Variants in DPP10 observed in about 807,000 individuals in gnomAD.
The protein encoded by DPP10 is inactive dipeptidyl peptidase 10.
In DPP10, 33 loss-of-function variants were observed where a neutral mutation model predicts 120.9. The ratio of observed to expected loss-of-function variants is 0.27; its 90% confidence interval spans 0.21 to 0.37. DPP10 has a LOEUF of 0.37. Ranked by LOEUF, DPP10 falls within the 10% of genes least tolerant of loss-of-function variation. DPP10 has a pLI of 1.00. For synonymous variants in DPP10, 337 were observed against 326.1 expected, an observed-to-expected ratio of 1.03 and a Z score of -0.36; for missense variants, 816 against 942.8, an observed-to-expected ratio of 0.87 and a Z score of 1.76.
chr2:114,877,512 T>A (rs1362985377), intron 1 of DPP10, among the ~76,000 whole-genome samples: 5 of 152,092 alleles, frequency 3.3e-5, no homozygotes, highest in African/African-American at 9.7e-5. Flanking sequence ...GAACTCACTG[T>A]GAGCCTTGTA....
intron 1 of DPP10, among the ~76,000 whole-genome samples, chr2:115,145,953 A>T (rs1037673921): frequency 1.3e-5 from 2 of 152,158 alleles, no homozygotes; most frequent in African/African-American, 4.8e-5. Flanking sequence ...CACTGCTGCC[A>T]TTACTTGCAA....
chr2:114,456,604 T>C (rs1379439031), intron 1 of DPP10, among the ~76,000 whole-genome samples: 1 of 152,232 alleles, frequency 6.6e-6, no homozygotes, highest in Non-Finnish European at 1.5e-5. Flanking sequence ...GAAATGTATG[T>C]TGTTGAATAA....
intron 3 of DPP10, among the ~76,000 whole-genome samples, chr2:115,464,361 C>T (rs2105100359): frequency 6.6e-6 from 1 of 151,274 alleles, no homozygotes; most frequent in East Asian, 2.0e-4. Context: ...TCTGGAGAGC[C>T]AGATTTGAAT....
At chr2:114,805,286 T>C (rs1259500287) in intron 1 of DPP10, among the ~76,000 whole-genome samples, 1 of 152,188 alleles carries the variant, frequency 6.6e-6, no homozygotes. Context: ...CATTTAGTAG[T>C]TGCCCTTCAT....
intron 1 of DPP10, among the ~76,000 whole-genome samples, chr2:114,513,174 A>G (rs1684291128): frequency 6.6e-6 from 1 of 152,176 alleles, no homozygotes; most frequent in African/African-American, 2.4e-5. Context: ...TTCTGTCTTC[A>G]TTCTCACTTC....
At chr2:115,656,428 T>A (rs1340665718) in intron 5 of DPP10, among the ~76,000 whole-genome samples, 1 of 151,606 alleles carries the variant, frequency 6.6e-6, no homozygotes, top group East Asian at 1.9e-4. Context: ...TTTCAGAATA[T>A]CACTAATGTT....
intron 1 of DPP10, among the ~76,000 whole-genome samples, chr2:114,988,485 AT>A (rs368043470): frequency 6.6e-6 from 1 of 151,938 alleles, no homozygotes; most frequent in African/African-American, 2.4e-5. Context: ...ATAAATTATC[AT>A]TTTTTTTCTC....
At chr2:115,133,886 A>G (rs2050511847) in intron 1 of DPP10, among the ~76,000 whole-genome samples, 1 of 152,202 alleles carries the variant, frequency 6.6e-6, no homozygotes, top group South Asian at 2.1e-4. Flanking sequence ...ATGACCATCA[A>G]TAAATGTTTG....
At chr2:114,732,032 G>A (rs1383465205) in intron 1 of DPP10, among the ~76,000 whole-genome samples, 2 of 152,174 alleles carry the variant, frequency 1.3e-5, no homozygotes, top group Non-Finnish European at 2.9e-5. Context: ...AATACAAGAA[G>A]AAACTGGGAG....
chr2:115,509,160 A>G (rs2077096491), intron 4 of DPP10, among the ~76,000 whole-genome samples: 1 of 152,168 alleles, frequency 6.6e-6, no homozygotes, highest in African/African-American at 2.4e-5. Context: ...GAAGTGAGAA[A>G]GTAAGTTAAA....
At chr2:115,732,240 G>A (rs566011958) in intron 8 of DPP10, among the ~76,000 whole-genome samples, 1 of 152,244 alleles carries the variant, frequency 6.6e-6, no homozygotes, top group African/African-American at 2.4e-5. Context: ...AAAAAAAGAT[G>A]AGAGAAAGAG....
chr2:115,319,172 C>T (rs969835842), intron 2 of DPP10, among the ~76,000 whole-genome samples: 7 of 151,966 alleles, frequency 4.6e-5, no homozygotes, highest in African/African-American at 1.7e-4. Flanking sequence ...TTGTTTTCCT[C>T]CCTTTTCTAC....
At chr2:114,601,116 T>C (rs572907993) in intron 1 of DPP10, among the ~76,000 whole-genome samples, 4 of 151,932 alleles carry the variant, frequency 2.6e-5, no homozygotes, top group African/African-American at 9.6e-5. Context: ...GAGAGCAAGG[T>C]GATTTTGTAT....
At chr2:115,316,083 G>A (rs972236706) in intron 2 of DPP10, among the ~76,000 whole-genome samples, 1 of 152,124 alleles carries the variant, frequency 6.6e-6, no homozygotes, top group Non-Finnish European at 1.5e-5. Context: ...AGTCAGAAGA[G>A]AACCTATAAA....
At chr2:115,021,625 G>C (rs1703080485) in intron 1 of DPP10, among the ~76,000 whole-genome samples, 1 of 152,012 alleles carries the variant, frequency 6.6e-6, no homozygotes, top group Non-Finnish European at 1.5e-5. Flanking sequence ...TATTCCAAAA[G>C]ATAGAGAAAG....
chr2:115,459,401 C>T (rs375489895), intron 3 of DPP10, among the ~76,000 whole-genome samples: 10 of 152,060 alleles, frequency 6.6e-5, no homozygotes, highest in African/African-American at 2.4e-4. Flanking sequence ...AGGTGATCCA[C>T]CCACCTCAGC....
At chr2:115,180,625 C>T (rs959611445) in intron 1 of DPP10, among the ~76,000 whole-genome samples, 12 of 152,174 alleles carry the variant, frequency 7.9e-5, no homozygotes, top group African/African-American at 2.7e-4. Flanking sequence ...GTTTCACCAG[C>T]TACTGCAGAG....
intron 1 of DPP10, among the ~76,000 whole-genome samples, chr2:114,674,413 C>G (rs1296983615): frequency 1.3e-5 from 2 of 151,904 alleles, no homozygotes; most frequent in Non-Finnish European, 2.9e-5. Flanking sequence ...CTTGATTTTA[C>G]CATAATTAGC....
At chr2:115,341,250 G>T (rs1574489326) in intron 2 of DPP10, among the ~76,000 whole-genome samples, 1 of 151,602 alleles carries the variant, frequency 6.6e-6, no homozygotes, top group South Asian at 2.1e-4. Flanking sequence ...AATACCCAGG[G>T]TTTTTTTAAT....
Sources: gnomAD v4.1 joint callset for allele counts (sites outside exome capture counted in the v4.1 genomes callset) on GRCh38, gnomAD v4.1.1 for gene constraint, MANE v1.5 for transcripts, NCBI Gene and HGNC (gene_info 2026-07-23, HGNC 2026-07-21) for gene names.